ADCY5: variants seen among roughly 807,000 people sequenced by gnomAD.
ADCY5 encodes the protein adenylate cyclase type 5.
ADCY5 carries 30 observed loss-of-function variants against 119.7 expected under a neutral mutation model. That is an observed-to-expected ratio of 0.25 (90% CI 0.19 to 0.34). The LOEUF is 0.34. Among genes scored for constraint, ADCY5 ranks in the 10% least tolerant of loss-of-function variants. ADCY5 has a pLI of 1.00. For missense variants in ADCY5, 1,324 were observed against 1,775.2 expected (o/e 0.75, Z 4.57); for synonymous variants, 753 against 762.2 (o/e 0.99, Z 0.20).
At chr3:123,362,266 T>A (rs1431187570) in intron 1 of ADCY5, among the ~76,000 whole-genome samples, 1 of 152,136 alleles carries the variant, frequency 6.6e-6, no homozygotes, top group Non-Finnish European at 1.5e-5. Context: ...CCACCTTACA[T>A]CCCCGCCAAC....
At chr3:123,382,470 G>A (rs934139549) in intron 1 of ADCY5, among the ~76,000 whole-genome samples, 5 of 152,078 alleles carry the variant, frequency 3.3e-5, no homozygotes, top group African/African-American at 9.7e-5. Context: ...ATTTTTACAC[G>A]CATGCTCCCA....
intron 18 of ADCY5, among the ~76,000 whole-genome samples, 177 bp from the exon 19 acceptor site, chr3:123,290,131 C>T (rs1201215696): frequency 6.6e-6 from 1 of 152,154 alleles, no homozygotes; most frequent in Admixed American, 6.5e-5. Context: ...CCTGACACAG[C>T]CAGGCCCCTC....
chr3:123,350,555 G>A (rs1033417899), intron 2 of ADCY5, among the ~76,000 whole-genome samples: 1 of 152,316 alleles, frequency 6.6e-6, no homozygotes, highest in East Asian at 1.9e-4. Flanking sequence ...CAGGAGGGGT[G>A]GGCAGGGGGC....
intron 3 of ADCY5, among the ~76,000 whole-genome samples, chr3:123,340,454 A>T (rs1942226897): frequency 6.6e-6 from 1 of 152,206 alleles, no homozygotes; most frequent in Non-Finnish European, 1.5e-5. Flanking sequence ...TTTTATTAGA[A>T]TCGTAATCAT....
intron 1 of ADCY5, among the ~76,000 whole-genome samples, chr3:123,379,321 G>C (rs1943949223): frequency 6.6e-6 from 1 of 152,070 alleles, no homozygotes; most frequent in Admixed American, 6.5e-5. Context: ...GGTTGGTTAG[G>C]GGGTGATGCT....
At chr3:123,368,010 G>T in intron 1 of ADCY5, 2 of 1,503,686 alleles carry the variant, frequency 1.3e-6, no homozygotes, top group Non-Finnish European at 1.8e-6. Flanking sequence ...GGGGACCATG[G>T]GCACCTCAGC....
At chr3:123,367,933 G>A (rs1273820000) in intron 1 of ADCY5, 3 of 1,535,828 alleles carry the variant, frequency 2.0e-6, no homozygotes, top group Admixed American at 2.0e-5. Flanking sequence ...CCTAGATGGG[G>A]CCATGTCTTC....
chr3:123,407,910 G>A (rs1944943450), intron 1 of ADCY5, among the ~76,000 whole-genome samples: 2 of 151,768 alleles, frequency 1.3e-5, no homozygotes, highest in African/African-American at 2.4e-5. Context: ...GAGGGGAGGA[G>A]GAAATTCGGA....
intron 8 of ADCY5, among the ~76,000 whole-genome samples, chr3:123,324,404 CCACACACACACACACACACA>C (rs10522987): frequency 0.019 from 2,099 of 109,696 alleles, 78 homozygotes; most frequent in African/African-American, 0.058. Flanking sequence ...CACACAGAAA[CCACACACACACACACACACA>C]CACACACACA....
intron 8 of ADCY5, among the ~76,000 whole-genome samples, chr3:123,324,995 C>G (rs1941406305): frequency 6.6e-6 from 1 of 152,242 alleles, no homozygotes; most frequent in Non-Finnish European, 1.5e-5. Context: ...TGCCAAGAGA[C>G]AGCTGGAGGC....
chr3:123,346,306 G>A (rs1942546665), intron 3 of ADCY5, among the ~76,000 whole-genome samples: 1 of 152,236 alleles, frequency 6.6e-6, no homozygotes, highest in Non-Finnish European at 1.5e-5. Flanking sequence ...GTCCTTCCCG[G>A]ATGTGGAGAT....
intron 14 of ADCY5, among the ~76,000 whole-genome samples, chr3:123,301,565 G>T (rs9834282): frequency 6.6e-6 from 1 of 152,228 alleles, no homozygotes; most frequent in Admixed American, 6.5e-5. Flanking sequence ...GGTCTGGTCT[G>T]TGAGGAGTTG....
chr3:123,432,558 G>T (rs913688541), intron 1 of ADCY5, among the ~76,000 whole-genome samples: 4 of 152,010 alleles, frequency 2.6e-5, no homozygotes, highest in African/African-American at 7.3e-5. Context: ...TTTAGACAGG[G>T]TCTTGCTCCG....
chr3:123,388,057 A>G (rs1458849132), intron 1 of ADCY5, among the ~76,000 whole-genome samples: 3 of 152,218 alleles, frequency 2.0e-5, no homozygotes, highest in African/African-American at 7.2e-5. Context: ...AGAAGAGAAC[A>G]GCTGTTCAGG....
At position 123,286,959 on chromosome 3, in the gene ADCY5, C is replaced by T. The variant is rs1422267265; in HGVS notation, c.3533-150G>A. ...AAGGCTGTGCTAAACCCTGCAGCCTCCCGCTACCCTGCTCCTGTCAAATGC... is the reference window on the plus strand; with the variant it reads ...AAGGCTGTGCTAAACCCTGCAGCCTTCCGCTACCCTGCTCCTGTCAAATGC... On this transcript the variant is annotated intron_variant, in intron 19 of 20. Transcript: ENST00000462833. The surrounding 1 kb of genome is among the most constrained non-coding windows in gnomAD (Gnocchi z 4.2). The T allele has an allele frequency of 1.9e-6, 2 of 1,056,762 alleles. No individual in the cohort carries two copies. Among genetic ancestry groups the T allele is most frequent in the Non-Finnish European group, 2.6e-6 (2 of 765,962 alleles). The allele number at this position is 1,056,762 out of a possible 1,614,324, so 65.5% of individuals were successfully genotyped here. A position where few individuals can be genotyped will look rare whatever the true frequency, so the allele number is the denominator to read the frequency against.
intron 1 of ADCY5, among the ~76,000 whole-genome samples, chr3:123,424,662 G>A (rs904276026): frequency 6.6e-6 from 1 of 152,134 alleles, no homozygotes; most frequent in East Asian, 1.9e-4. Context: ...TACCCAGAAT[G>A]ACCGTCCTCC....
chr3:123,432,111 T>C (rs1266991693), intron 1 of ADCY5, among the ~76,000 whole-genome samples: 2 of 152,200 alleles, frequency 1.3e-5, no homozygotes, highest in Admixed American at 1.3e-4. Flanking sequence ...GCCCTGGGCA[T>C]TCAAGGTGAA....
At chr3:123,346,794 A>G (rs1381417853) in intron 3 of ADCY5, among the ~76,000 whole-genome samples, 2 of 152,164 alleles carry the variant, frequency 1.3e-5, no homozygotes, top group Non-Finnish European at 2.9e-5. Flanking sequence ...CCTGGGGAGA[A>G]GGAACTCTCC....
intron 3 of ADCY5, among the ~76,000 whole-genome samples, chr3:123,346,247 G>A (rs1379241188): frequency 2.0e-5 from 3 of 152,212 alleles, no homozygotes; most frequent in Non-Finnish European, 2.9e-5. Flanking sequence ...CCGGAAGTCC[G>A]GCCACCAACT....
Sources: allele counts gnomAD v4.1 joint callset (sites outside exome capture counted in the v4.1 genomes callset), GRCh38; gene constraint gnomAD v4.1.1; non-coding constraint Gnocchi (gnomAD v3.1); transcripts MANE v1.5; gene names NCBI Gene and HGNC (gene_info 2026-07-23, HGNC 2026-07-21).